Variants in FREM3 observed in about 807,000 individuals in gnomAD.
FREM3 encodes FRAS1 related extracellular matrix 3.
FREM3 carries 105 observed loss-of-function variants against 129.1 expected under a neutral mutation model. The observed-to-expected ratio is 0.81, with a 90% CI of 0.69 to 0.96. The LOEUF (loss-of-function observed/expected upper bound fraction) is 0.96, where lower values mean the gene tolerates loss of function less well. Ranked by LOEUF, FREM3 falls within the 40% of genes least tolerant of loss-of-function variation. The pLI, the probability that FREM3 is intolerant of heterozygous loss-of-function variation, is 0.00. For synonymous variants in FREM3, 1,014 were observed against 1,044.9 expected (o/e 0.97, Z 0.57); for missense variants, 2,593 against 2,666.3 (o/e 0.97, Z 0.61).
chr4:143,677,259 C>G (rs1740153198), intron 2 of FREM3, among the ~76,000 whole-genome samples: 1 of 152,306 alleles, frequency 6.6e-6, no homozygotes, highest in South Asian at 2.1e-4. Context: ...ACTATCTGAT[C>G]TTTGACAAAC....
At chr4:143,668,017 C>T (rs1739895888) in intron 2 of FREM3, among the ~76,000 whole-genome samples, 1 of 152,210 alleles carries the variant, frequency 6.6e-6, no homozygotes, top group Non-Finnish European at 1.5e-5. Flanking sequence ...CTTATTATAA[C>T]TTACAGAAAT....
intron 2 of FREM3, among the ~76,000 whole-genome samples, chr4:143,667,843 T>C (rs1311856279): frequency 6.6e-6 from 1 of 152,202 alleles, no homozygotes; most frequent in African/African-American, 2.4e-5. Flanking sequence ...CTCTCTTTAG[T>C]AGGATTTTCT....
intron 2 of FREM3, among the ~76,000 whole-genome samples, chr4:143,676,712 G>A (rs1315300339): frequency 2.0e-5 from 3 of 152,090 alleles, no homozygotes; most frequent in Non-Finnish European, 4.4e-5. Flanking sequence ...TACAAAATCA[G>A]TGTGCAAAAA....
intron 2 of FREM3, among the ~76,000 whole-genome samples, chr4:143,671,760 A>G (rs936515593): frequency 6.6e-6 from 1 of 152,180 alleles, no homozygotes; most frequent in Admixed American, 6.5e-5. Flanking sequence ...TTAATTTTCT[A>G]TGTGGAAACT....
intron 2 of FREM3, among the ~76,000 whole-genome samples, chr4:143,667,852 C>A (rs758024326): frequency 3.9e-5 from 6 of 152,160 alleles, no homozygotes; most frequent in Non-Finnish European, 8.8e-5. Flanking sequence ...GTAGGATTTT[C>A]TTAGCAGAGT....
At chr4:143,591,430 C>CTA (rs1009490375) in intron 6 of FREM3, among the ~76,000 whole-genome samples, 1 of 152,104 alleles carries the variant, frequency 6.6e-6, no homozygotes, top group Non-Finnish European at 1.5e-5. Flanking sequence ...AGAGATTCTG[C>CTA]TATGTTGTGT....
intron 2 of FREM3, among the ~76,000 whole-genome samples, chr4:143,675,454 G>C (rs574443634): frequency 2.5e-4 from 38 of 152,214 alleles, no homozygotes; most frequent in East Asian, 3.9e-4. Context: ...ATCTAAAATT[G>C]ACACCCTAAC....
rs1359274883 is a variant in FREM3 at position 143,585,866 on chromosome 4, C to A, written c.6156G>T (p.Lys2052Asn). The change falls in exon 7 of 8, where the codon AAG becomes AAT. Residue 2052 changes from lysine (K) to asparagine (N), a missense_variant. By Grantham distance (94) the Lys-to-Asn change is moderately conservative. Transcript: ENST00000329798. This position sits in a 1 kb window ranked among gnomAD's most constrained non-coding sequence, Gnocchi z 4.2. ...QPSSIAVRSRKSEQESAEAGT... is the reference protein window; with the variant it reads ...QPSSIAVRSRNSEQESAEAGT... Reference sequence around the variant, plus strand: ...CACCTTCTGCTGACTCCTGCTCTGACTTTCTGGAGCGCACGGCGATGGATG... The same window carrying A: ...CACCTTCTGCTGACTCCTGCTCTGAATTTCTGGAGCGCACGGCGATGGATG... 6 of 1,537,298 alleles carry A rather than the reference C, an allele frequency of 3.9e-6. No individual in the cohort carries two copies. The highest frequency in any genetic ancestry group is 2.0e-5 in the Admixed American group (1 of 51,012).
chr4:143,627,673 G>A lies in FREM3; in HGVS notation c.5363C>T (p.Ser1788Phe). The A allele has an allele frequency of 6.5e-7, 1 of 1,534,740 alleles. No individual in the cohort carries two copies. Among genetic ancestry groups the A allele is most frequent in the Non-Finnish European group, 8.7e-7 (1 of 1,144,826 alleles). The change falls in exon 3 of 8, where the codon TCC becomes TTC. Residue 1788 changes from serine (S) to phenylalanine (F), a missense_variant. Around this residue, in one of 2 missense-constraint regions of FREM3, gnomAD observed 2,276 missense variants for 2,267.2 expected, o/e 1.00. Transcript: ENST00000329798. Reference protein sequence around the residue: ...EKEYYIVDEDSTFLEVTLTRR... With the variant: ...EKEYYIVDEDFTFLEVTLTRR... Reference sequence around the variant, plus strand: ...TGTAAGGGTCACTTCTAAGAATGTGGAATCTTCATCCACAATGTAGTACTC... The same window carrying A: ...TGTAAGGGTCACTTCTAAGAATGTGAAATCTTCATCCACAATGTAGTACTC...
chr4:143,651,937 A>C (rs1739518256), intron 2 of FREM3, among the ~76,000 whole-genome samples: 2 of 152,064 alleles, frequency 1.3e-5, no homozygotes, highest in Admixed American at 1.3e-4. Flanking sequence ...TTGGAGCTGC[A>C]TTTTTTGTAA....
intron 2 of FREM3, among the ~76,000 whole-genome samples, chr4:143,688,936 T>C (rs931711789): frequency 1.3e-5 from 2 of 152,142 alleles, no homozygotes; most frequent in Non-Finnish European, 2.9e-5. Flanking sequence ...GAAGATAATA[T>C]TGGAAAAACC....
intron 2 of FREM3, among the ~76,000 whole-genome samples, chr4:143,685,711 A>G (rs1740351496): frequency 2.6e-5 from 4 of 152,220 alleles, no homozygotes; most frequent in Admixed American, 6.5e-5. Flanking sequence ...TAAATGCTCC[A>G]CTTAAAAGAT....
At chr4:143,635,513 A>T (rs981317662) in intron 2 of FREM3, among the ~76,000 whole-genome samples, 9 of 152,190 alleles carry the variant, frequency 5.9e-5, no homozygotes, top group Admixed American at 5.9e-4. Flanking sequence ...AGATACCAAC[A>T]GCATTCCCTC....
intron 2 of FREM3, among the ~76,000 whole-genome samples, chr4:143,675,850 G>C (rs924326086): frequency 4.6e-5 from 7 of 152,114 alleles, no homozygotes; most frequent in Admixed American, 4.6e-4. Flanking sequence ...GGAAGAAGTT[G>C]AATCTCTGAA....
chr4:143,598,174 C>T (rs1738515646), intron 6 of FREM3, among the ~76,000 whole-genome samples: 1 of 152,234 alleles, frequency 6.6e-6, no homozygotes, highest in Non-Finnish European at 1.5e-5. Context: ...ATTCAGTCCA[C>T]TGCAGTGGCC....
chr4:143,670,926 A>T (rs1193680308), intron 2 of FREM3, among the ~76,000 whole-genome samples: 3 of 152,152 alleles, frequency 2.0e-5, no homozygotes, highest in African/African-American at 7.2e-5. Flanking sequence ...TTATGGAGAG[A>T]AACATGAATG....
At position 143,695,901 on chromosome 4, in the gene FREM3, G is replaced by A; in HGVS notation, c.4775C>T (p.Pro1592Leu). Reference protein sequence around the residue: ...HGKILYNGSRPVTTFTKQDLN... With the variant: ...HGKILYNGSRLVTTFTKQDLN... ...GTCTTGCTTGGTGAAAGTGGTCACG[G>A]GACGGCTACCATTGTACAAAATCTT... The change falls in exon 1 of 8, where the codon CCC becomes CTC. Residue 1592 changes from proline to leucine, a missense_variant. Around this residue, in one of 2 missense-constraint regions of FREM3, gnomAD observed 2,276 missense variants for 2,267.2 expected, o/e 1.00. Transcript: ENST00000329798. 6.5e-7 allele frequency: 1 copy of A among 1,537,676 alleles called. No individual in the cohort carries two copies. Among genetic ancestry groups the A allele is most frequent in the Non-Finnish European group, 8.7e-7 (1 of 1,147,024 alleles).
chr4:143,633,317 T>G (rs1739173553), intron 2 of FREM3, among the ~76,000 whole-genome samples: 1 of 152,192 alleles, frequency 6.6e-6, no homozygotes, highest in African/African-American at 2.4e-5. Context: ...TAATAGGACT[T>G]AAATAGCAAT....
At chr4:143,578,659 A>T (rs1738081585) in intron 7 of FREM3, among the ~76,000 whole-genome samples, 1 of 152,214 alleles carries the variant, frequency 6.6e-6, no homozygotes, top group Admixed American at 6.5e-5. Flanking sequence ...CAATGAGAGG[A>T]TAGTATCATC....
Sources: allele counts gnomAD v4.1 joint callset (sites outside exome capture counted in the v4.1 genomes callset), GRCh38; gene constraint gnomAD v4.1.1; regional missense constraint gnomAD v4.1.1; non-coding constraint Gnocchi (gnomAD v3.1); transcripts MANE v1.5; gene names NCBI Gene and HGNC (gene_info 2026-07-23, HGNC 2026-07-21).